The following SORBS2 variants were observed in gnomAD, a reference collection of about 807,000 sequenced individuals.
SORBS2 encodes sorbin and SH3 domain-containing protein 2.
In SORBS2, 46 loss-of-function variants were observed where a neutral mutation model predicts 97.7. That is an observed-to-expected ratio of 0.47 (90% CI 0.37 to 0.60). The LOEUF (loss-of-function observed/expected upper bound fraction) is 0.60. SORBS2 is among the 20% of genes least tolerant of loss of function. The pLI, the probability that SORBS2 is intolerant of heterozygous loss-of-function variation, is 0.00. For synonymous variants in SORBS2, 476 were observed against 473.4 expected (o/e 1.01, Z -0.07); for missense variants, 1,316 against 1,282.3 (o/e 1.03, Z -0.40).
intron 1 of SORBS2, among the ~76,000 whole-genome samples, chr4:185,856,461 A>G (rs548155872): frequency 1.3e-5 from 2 of 152,326 alleles, no homozygotes; most frequent in East Asian, 1.9e-4. Context: ...AAACTCCCAC[A>G]TTTATGACCC....
chr4:185,721,264 G>A (rs540571989), intron 2 of SORBS2, among the ~76,000 whole-genome samples: 14 of 151,986 alleles, frequency 9.2e-5, no homozygotes, highest in Admixed American at 5.9e-4. Context: ...TAGTAGAAAC[G>A]GGGTTTTGCC....
intron 2 of SORBS2, among the ~76,000 whole-genome samples, chr4:185,698,980 G>T (rs566934876): frequency 6.6e-6 from 1 of 151,960 alleles, no homozygotes; most frequent in Non-Finnish European, 1.5e-5. Flanking sequence ...CCTGCTTATT[G>T]TTAATTCACT....
intron 3 of SORBS2, 46 bp downstream of exon 12, chr4:185,649,421 T>C: frequency 6.8e-7 from 1 of 1,468,146 alleles, no homozygotes; most frequent in Non-Finnish European, 9.1e-7. Flanking sequence ...TAGACTTATT[T>C]TTATCCTAAG....
At chr4:185,657,536 A>G, upstream of SORBS2, 1 of 1,580,438 alleles carries the variant, frequency 6.3e-7, no homozygotes, top group East Asian at 2.4e-5. Flanking sequence ...GTACAGGGGG[A>G]TAGAGCTGCT....
In SORBS2 at chr4:185,939,388, A is replaced by G. The variant is rs73021891; in HGVS notation, c.-338+16808T>C. Among the ~76,000 whole-genome samples the G allele has an allele frequency of 1.1e-3, 166 of 152,234 alleles. 1 individual carries two copies. Among genetic ancestry groups the G allele is most frequent in the African/African-American group, 3.8e-3 (156 of 41,532 alleles). ...CATCAGCATTCAAATATGCTGTAATACTTCCACCTTAACCAAAAAACAGTG... is the reference window on the plus strand; with the variant it reads ...CATCAGCATTCAAATATGCTGTAATGCTTCCACCTTAACCAAAAAACAGTG... On this transcript the variant is annotated intron_variant, in intron 1 of 20. Transcript: ENST00000284776.
At chr4:185,914,545 A>G (rs1005034189) in intron 1 of SORBS2, among the ~76,000 whole-genome samples, 4 of 152,236 alleles carry the variant, frequency 2.6e-5, no homozygotes, top group Non-Finnish European at 5.9e-5. Flanking sequence ...TAAAGGTGCA[A>G]ATATCTGGGA....
intron 2 of SORBS2, among the ~76,000 whole-genome samples, chr4:185,721,924 A>AT (rs1213394228): frequency 6.6e-6 from 1 of 152,148 alleles, no homozygotes; most frequent in Non-Finnish European, 1.5e-5. Flanking sequence ...ACATATATAC[A>AT]TTTTTTTCCA....
chr4:185,640,802 C>T (rs2097112936), intron 4 of SORBS2, among the ~76,000 whole-genome samples: 1 of 152,164 alleles, frequency 6.6e-6, no homozygotes, highest in Non-Finnish European at 1.5e-5. Context: ...CCAGTAATTT[C>T]TCTTCTGTTT....
chr4:185,854,361 C>G (rs2099219538), intron 1 of SORBS2, among the ~76,000 whole-genome samples: 1 of 152,188 alleles, frequency 6.6e-6, no homozygotes, highest in African/African-American at 2.4e-5. Flanking sequence ...ACCACATCTT[C>G]TTCTTGAGGG....
At chr4:185,823,566 G>C (rs116085301) in intron 1 of SORBS2, among the ~76,000 whole-genome samples, 1 of 152,060 alleles carries the variant, frequency 6.6e-6, no homozygotes, top group Non-Finnish European at 1.5e-5. Flanking sequence ...AATAGCAATA[G>C]TAAACTGACT....
chr4:185,659,163 T>C (rs556723396), upstream of SORBS2, among the ~76,000 whole-genome samples: 4 of 152,342 alleles, frequency 2.6e-5, 1 homozygote, highest in African/African-American at 7.2e-5. Flanking sequence ...TTTTAATACA[T>C]TTTTTGATGA....
intron 1 of SORBS2, among the ~76,000 whole-genome samples, chr4:185,927,575 C>CT (rs2099264361): frequency 6.6e-6 from 1 of 152,080 alleles, no homozygotes; most frequent in Admixed American, 6.6e-5. Context: ...TGAGAGAGCA[C>CT]TCAGTTCTTA....
chr4:185,679,413 C>A (rs2097841734), intron 2 of SORBS2, among the ~76,000 whole-genome samples: 1 of 152,142 alleles, frequency 6.6e-6, no homozygotes, highest in Admixed American at 6.5e-5. Flanking sequence ...GTTCCACTGT[C>A]TTTCAGCTAG....
intron 14 of SORBS2, 93 bp downstream of exon 26, chr4:185,589,586 A>G (rs895950647): frequency 5.3e-6 from 4 of 755,906 alleles, no homozygotes; most frequent in African/African-American, 5.2e-5. Flanking sequence ...ACGAATTCAA[A>G]GGAAGCTCGG....
chr4:185,659,678 T>C (rs544688379), upstream of SORBS2, among the ~76,000 whole-genome samples: 5 of 151,866 alleles, frequency 3.3e-5, no homozygotes, highest in Middle Eastern at 6.8e-3. Flanking sequence ...GCCTCGGCCT[T>C]CCAAAGTGCT....
intron 1 of SORBS2, among the ~76,000 whole-genome samples, chr4:185,804,968 A>G (rs2099146687): frequency 6.6e-6 from 1 of 152,072 alleles, no homozygotes; most frequent in East Asian, 1.9e-4. Context: ...AAGATCTTCA[A>G]TTTTATAACT....
intron 1 of SORBS2, among the ~76,000 whole-genome samples, chr4:185,654,362 C>T (rs895447699): frequency 6.6e-6 from 1 of 152,210 alleles, no homozygotes; most frequent in African/African-American, 2.4e-5. Context: ...ACCAAAGCAA[C>T]AGAAAATACA....
intron 1 of SORBS2, among the ~76,000 whole-genome samples, chr4:185,656,006 T>C (rs1561713774): frequency 6.6e-6 from 1 of 152,230 alleles, no homozygotes; most frequent in Admixed American, 6.5e-5. Flanking sequence ...TCTGTCTGAC[T>C]GTCTATCCCT....
intron 2 of SORBS2, among the ~76,000 whole-genome samples, chr4:185,744,038 T>C (rs2098744846): frequency 7.3e-6 from 1 of 137,014 alleles, no homozygotes; most frequent in Non-Finnish European, 1.6e-5. Context: ...CATTTCCACT[T>C]TCTTCCCCTT....
Sources: gnomAD v4.1 joint callset for allele counts (sites outside exome capture counted in the v4.1 genomes callset) on GRCh38, gnomAD v4.1.1 for gene constraint, MANE v1.5 for transcripts, NCBI Gene and HGNC (gene_info 2026-07-23, HGNC 2026-07-21) for gene names.